Variants in PAFAH1B2 observed in about 807,000 individuals in gnomAD.
PAFAH1B2 encodes platelet-activating factor acetylhydrolase IB subunit alpha2.
Under a neutral mutation model 28.0 loss-of-function variants are expected in PAFAH1B2, and 8 were observed. That is an observed-to-expected ratio of 0.29 (90% CI 0.17 to 0.52). PAFAH1B2 has a LOEUF of 0.52. PAFAH1B2 is among the 20% of genes least tolerant of loss of function. PAFAH1B2 has a pLI of 0.97. For missense variants in PAFAH1B2, 190 were observed against 282.6 expected (o/e 0.67, Z 2.35); for synonymous variants, 104 against 103.2 (o/e 1.01, Z -0.05).
At chr11:117,174,801 GAC>G, downstream of PAFAH1B2, 1 of 734,916 alleles carries the variant, frequency 1.4e-6, no homozygotes. Context: ...TTTTAGTAGA[GAC>G]GGGCTTTTAC....
At chr11:117,150,090 T>G (rs1956114529) in intron 1 of PAFAH1B2, among the ~76,000 whole-genome samples, 1 of 152,234 alleles carries the variant, frequency 6.6e-6, no homozygotes, top group African/African-American at 2.4e-5. Flanking sequence ...GAATTGAACT[T>G]AGACCCAAAT....
downstream of PAFAH1B2, among the ~76,000 whole-genome samples, chr11:117,174,346 G>T (rs1223488476): frequency 6.6e-6 from 1 of 151,750 alleles, no homozygotes; most frequent in South Asian, 2.1e-4. Flanking sequence ...ACCACACCCA[G>T]CTAATTTTTG....
In PAFAH1B2 at chr11:117,152,501, T is replaced by G; in HGVS notation, c.54T>G (p.Ile18Met). ...CTATTCCGCATGCAGCAGAAGATAT[T>G]CAAGGAGATGACCGATGGATGTCTC... is the stretch of plus-strand genomic sequence containing the variant. ...PAAIPHAAED[I>M]QGDDRWMSQH... Residue 18 changes from isoleucine (I) to methionine (M), a missense_variant, in exon 2 of 6, where the codon ATT (isoleucine) becomes ATG (methionine). By Grantham distance (10) the Ile-to-Met change is conservative. Coordinates refer to ENST00000527958, the MANE Select transcript of PAFAH1B2 (RefSeq NM_002572.4). The G allele has an allele frequency of 9.9e-6, 16 of 1,613,552 alleles. No individual in the cohort carries two copies. Among genetic ancestry groups the G allele is most frequent in the Non-Finnish European group, 1.4e-5 (16 of 1,179,414 alleles).
chr11:117,164,481 G>T (rs528088085), intron 5 of PAFAH1B2, among the ~76,000 whole-genome samples: 2 of 151,684 alleles, frequency 1.3e-5, no homozygotes, highest in African/African-American at 4.8e-5. Context: ...TTGCACAATG[G>T]CACATGAGAT....
chr11:117,152,381 T>G, intron 1 of PAFAH1B2, 60 bp from the exon 2 acceptor site: 1 of 969,826 alleles, frequency 1.0e-6, no homozygotes, highest in East Asian at 2.4e-5. Flanking sequence ...TGTATAATAT[T>G]TAAGTGGTAA....
chr11:117,171,153 G>C (rs1956641598), downstream of PAFAH1B2: 2 of 744,090 alleles, frequency 2.7e-6, no homozygotes, highest in East Asian at 1.5e-4. Context: ...AGATGATCCT[G>C]CTTCTTTACT....
intron 4 of PAFAH1B2, among the ~76,000 whole-genome samples, chr11:117,161,973 G>A (rs1229944809): frequency 1.3e-5 from 2 of 152,206 alleles, no homozygotes; most frequent in Non-Finnish European, 2.9e-5. Context: ...GTCAGTAATC[G>A]AGGCCTGCAA....
intron 1 of PAFAH1B2, among the ~76,000 whole-genome samples, chr11:117,146,897 C>T (rs553427501): frequency 6.7e-6 from 1 of 150,174 alleles, no homozygotes; most frequent in Admixed American, 6.7e-5. Flanking sequence ...GTGCAGGAGG[C>T]GGAAACTGCA....
chr11:117,175,517 A>C, downstream of PAFAH1B2: 1 of 1,099,428 alleles, frequency 9.1e-7, no homozygotes, highest in Non-Finnish European at 1.1e-6. Context: ...TGCAAAAGGG[A>C]AGGATCCCTT....
intron 1 of PAFAH1B2, among the ~76,000 whole-genome samples, chr11:117,151,499 G>A (rs1415089389): frequency 6.6e-6 from 1 of 151,948 alleles, no homozygotes; most frequent in African/African-American, 2.4e-5. Flanking sequence ...AAAGTGCTGG[G>A]ATTACAGGCG....
chr11:117,174,806 G>T (rs79138835), downstream of PAFAH1B2: 27,016 of 778,638 alleles, frequency 0.035, 1,504 homozygotes, highest in East Asian at 0.21. Flanking sequence ...GTAGAGACGG[G>T]CTTTTACCAT....
rs1956601363 is a variant in PAFAH1B2, at chr11:117,169,574, T to G, written c.*1875T>G. 9.5e-7 allele frequency: 1 copy of G among 1,054,946 alleles called. No homozygotes were observed. The highest frequency in any genetic ancestry group is 1.1e-6 in the Non-Finnish European group (1 of 872,620). 65.3% of individuals were successfully genotyped at this position (1,054,946 alleles called of 1,614,324 possible). On this transcript the variant is annotated 3_prime_UTR_variant, in exon 6 of 6. Transcript: ENST00000527958. The stretch of plus-strand genomic sequence containing the variant: ...TCATTTTTTTCTTGTGAAGTCTCTT[T>G]CTAGAAAATTTTTTGGTTTTGTTCT...
intron 5 of PAFAH1B2, among the ~76,000 whole-genome samples, chr11:117,165,770 G>A (rs1057304942): frequency 6.6e-6 from 1 of 152,108 alleles, no homozygotes; most frequent in African/African-American, 2.4e-5. Context: ...GTGAGCAGAG[G>A]AGGCTGCATA....
At chr11:117,156,423 T>G (rs1017166864) in intron 2 of PAFAH1B2, among the ~76,000 whole-genome samples, 1 of 152,156 alleles carries the variant, frequency 6.6e-6, no homozygotes, top group Non-Finnish European at 1.5e-5. Flanking sequence ...GGAAAGTAGG[T>G]AAGCTAGAAT....
intron 2 of PAFAH1B2, among the ~76,000 whole-genome samples, chr11:117,154,759 G>T (rs1404292863): frequency 6.6e-6 from 1 of 151,994 alleles, no homozygotes; most frequent in Non-Finnish European, 1.5e-5. Context: ...AATCTTTTAA[G>T]CATTGCATAC....
chr11:117,154,950 G>A (rs181350076), intron 2 of PAFAH1B2, among the ~76,000 whole-genome samples: 30 of 152,182 alleles, frequency 2.0e-4, no homozygotes, highest in African/African-American at 7.0e-4. Context: ...CTCGGCTTTT[G>A]TATACATTTG....
chr11:117,172,389 TA>T (rs1956686592), downstream of PAFAH1B2, among the ~76,000 whole-genome samples: 1 of 1,922 alleles, frequency 5.2e-4, no homozygotes. Context: ...TATATATATA[TA>T]TATATATATA....
intron 2 of PAFAH1B2, among the ~76,000 whole-genome samples, chr11:117,153,226 A>G (rs929395330): frequency 1.2e-4 from 19 of 152,222 alleles, no homozygotes; most frequent in African/African-American, 4.3e-4. Context: ...ACTGGGAAAT[A>G]TTTTAAGTTT....
chr11:117,165,891 G>A (rs1956497639), intron 5 of PAFAH1B2, among the ~76,000 whole-genome samples: 1 of 150,868 alleles, frequency 6.6e-6, no homozygotes, highest in Non-Finnish European at 1.5e-5. Context: ...CCAGGCTGGA[G>A]TGCAGTGGCG....
Sources: gnomAD v4.1 joint callset for allele counts (sites outside exome capture counted in the v4.1 genomes callset) on GRCh38, gnomAD v4.1.1 for gene constraint, MANE v1.5 for transcripts, NCBI Gene and HGNC (gene_info 2026-07-23, HGNC 2026-07-21) for gene names.